WASF1: variants seen among roughly 807,000 people sequenced by gnomAD.
The protein encoded by WASF1 is WASP family member 1, also known as actin-binding protein WASF1.
Under a neutral mutation model 50.5 loss-of-function variants are expected in WASF1, and 7 were observed. The observed-to-expected ratio is 0.14, with a 90% CI of 0.08 to 0.26. WASF1 has a LOEUF of 0.26. Among genes scored for constraint, WASF1 ranks in the 10% least tolerant of loss-of-function variants. The pLI is 1.00. For missense variants in WASF1, 470 were observed against 694.7 expected (o/e 0.68, Z 3.64); for synonymous variants, 205 against 244.0 (o/e 0.84, Z 1.49).
At chr6:110,145,429 T>G (rs907133254) in intron 3 of WASF1, among the ~76,000 whole-genome samples, 3 of 152,184 alleles carry the variant, frequency 2.0e-5, no homozygotes, top group Non-Finnish European at 4.4e-5. Context: ...ACTTCCTCTT[T>G]TCCTAATTGA....
intron 3 of WASF1, among the ~76,000 whole-genome samples, chr6:110,153,074 AT>A (rs1775894858): frequency 6.6e-6 from 1 of 152,192 alleles, no homozygotes. Flanking sequence ...GTTTATGGAA[AT>A]TTGGGTAATA....
intron 4 of WASF1, among the ~76,000 whole-genome samples, chr6:110,118,478 C>T (rs776781351): frequency 6.7e-6 from 1 of 148,774 alleles, no homozygotes; most frequent in African/African-American, 2.5e-5. Context: ...GGGATCAATT[C>T]AACAAGAAGA....
At chr6:110,173,533 T>C (rs1776803484) in intron 2 of WASF1, among the ~76,000 whole-genome samples, 1 of 152,156 alleles carries the variant, frequency 6.6e-6, no homozygotes, top group African/African-American at 2.4e-5. Flanking sequence ...AGCAAATTAC[T>C]TGATCTATGA....
At chr6:110,155,133 G>C (rs1776003656) in intron 3 of WASF1, among the ~76,000 whole-genome samples, 1 of 151,870 alleles carries the variant, frequency 6.6e-6, no homozygotes. Context: ...TTTCAGCTTT[G>C]TCTATAGAGT....
chr6:110,124,272 C>CTATATATATATATA (rs1416564445), intron 4 of WASF1, among the ~76,000 whole-genome samples: 1 of 42,660 alleles, frequency 2.3e-5, no homozygotes, highest in Non-Finnish European at 3.8e-5. Flanking sequence ...CTCTCTCTCT[C>CTATATATATATATA]TCTATATATA....
intron 5 of WASF1, among the ~76,000 whole-genome samples, chr6:110,111,493 A>G (rs1012687349): frequency 3.9e-5 from 6 of 152,238 alleles, no homozygotes; most frequent in African/African-American, 1.4e-4. Context: ...AATACAAATT[A>G]TAAATGGGCT....
chr6:110,104,509 C>T (rs1262186846), intron 8 of WASF1, among the ~76,000 whole-genome samples: 1 of 152,122 alleles, frequency 6.6e-6, no homozygotes, highest in Admixed American at 6.5e-5. Context: ...TATGACTAGG[C>T]TGGGCACAGT....
In WASF1 at chr6:110,142,399, T is replaced by C. The variant is rs559991707; in HGVS notation, c.-28-14770A>G. ...AAAACCTTTCCTCATCCTTTCTTTT[T>C]ACTTCAGTTTCAACACCAGATCCAT... On this transcript the variant is annotated intron_variant, in intron 3 of 10. Coordinates refer to ENST00000392589, the MANE Select transcript of WASF1 (RefSeq NM_003931.3). 2.3e-3 allele frequency among the ~76,000 whole-genome samples: 357 copies of C among 152,306 alleles called. 1 individual carries two copies. Among genetic ancestry groups the C allele is most frequent in the African/African-American group, 8.3e-3 (347 of 41,580 alleles).
At chr6:110,159,885 G>A (rs993237502) in intron 3 of WASF1, among the ~76,000 whole-genome samples, 3 of 151,654 alleles carry the variant, frequency 2.0e-5, no homozygotes, top group Admixed American at 6.6e-5. Flanking sequence ...AAAATGTTTC[G>A]GATTTTGGAA....
intron 9 of WASF1, 127 bp downstream of exon 9, chr6:110,103,251 T>C (rs1031050124): frequency 3.2e-6 from 3 of 930,254 alleles, no homozygotes; most frequent in Non-Finnish European, 4.8e-6. Flanking sequence ...CATGCAACAA[T>C]GGCAGAATTG....
At chr6:110,134,678 G>C (rs781396162) in intron 3 of WASF1, among the ~76,000 whole-genome samples, 2 of 151,756 alleles carry the variant, frequency 1.3e-5, no homozygotes, top group Non-Finnish European at 2.9e-5. Context: ...TGCCTGCCTC[G>C]GCCTCCCAAA....
At chr6:110,175,085 T>C (rs113878280) in intron 2 of WASF1, among the ~76,000 whole-genome samples, 3 of 152,092 alleles carry the variant, frequency 2.0e-5, no homozygotes, top group African/African-American at 7.2e-5. Context: ...GCACCCCAGG[T>C]AAGGCTGCTA....
chr6:110,140,903 A>T (rs574325465), intron 3 of WASF1, among the ~76,000 whole-genome samples: 3 of 152,204 alleles, frequency 2.0e-5, no homozygotes, highest in Non-Finnish European at 4.4e-5. Flanking sequence ...GGAGCTGAGG[A>T]TGTCAATGAC....
intron 2 of WASF1, among the ~76,000 whole-genome samples, chr6:110,162,022 C>T (rs955058716): frequency 3.3e-5 from 5 of 151,290 alleles, no homozygotes; most frequent in Admixed American, 2.0e-4. Context: ...GCGTACGAGT[C>T]GTAAAATTCA....
intron 2 of WASF1, among the ~76,000 whole-genome samples, chr6:110,164,571 G>A (rs1257414511): frequency 6.6e-6 from 1 of 151,612 alleles, no homozygotes; most frequent in African/African-American, 2.4e-5. Flanking sequence ...CCAAATGATG[G>A]AGAGAATGCA....
At chr6:110,171,786 G>A (rs867960888) in intron 2 of WASF1, among the ~76,000 whole-genome samples, 4 of 151,862 alleles carry the variant, frequency 2.6e-5, no homozygotes, top group Middle Eastern at 3.2e-3. Context: ...CTACCCTTCT[G>A]ACAAAGGGCT....
chr6:110,171,684 G>T (rs1212814753), intron 2 of WASF1, among the ~76,000 whole-genome samples: 1 of 152,060 alleles, frequency 6.6e-6, no homozygotes, highest in Non-Finnish European at 1.5e-5. Flanking sequence ...AGACAAATGG[G>T]ATCTAATTAA....
At chr6:110,151,648 T>A (rs1244979526) in intron 3 of WASF1, among the ~76,000 whole-genome samples, 1 of 152,180 alleles carries the variant, frequency 6.6e-6, no homozygotes, top group African/African-American at 2.4e-5. Context: ...TAGACATACA[T>A]GAAATCACAA....
intron 2 of WASF1, among the ~76,000 whole-genome samples, chr6:110,172,906 C>G (rs188367241): frequency 6.6e-6 from 1 of 152,122 alleles, no homozygotes; most frequent in Non-Finnish European, 1.5e-5. Flanking sequence ...TACGTGTACC[C>G]TCTAAATCTA....
Sources: gnomAD v4.1 joint callset for allele counts (sites outside exome capture counted in the v4.1 genomes callset) on GRCh38, gnomAD v4.1.1 for gene constraint, MANE v1.5 for transcripts, NCBI Gene and HGNC (gene_info 2026-07-23, HGNC 2026-07-21) for gene names.